LRRIQ1: variants seen among roughly 807,000 people sequenced by gnomAD.
LRRIQ1 encodes the protein leucine-rich repeat- and IQ domain-containing protein 1.
A neutral mutation model predicts 211.9 loss-of-function variants in LRRIQ1; 210 were observed. The ratio of observed to expected loss-of-function variants is 0.99; its 90% CI spans 0.89 to 1.11. LRRIQ1 has a LOEUF of 1.11. LRRIQ1 is among the 50% of genes most tolerant of loss of function. The pLI is 0.00. For missense variants in LRRIQ1, 2,136 were observed against 1,939.5 expected (o/e 1.10, Z -1.90); for synonymous variants, 699 against 650.1 (o/e 1.08, Z -1.14).
chr12:85,221,077 G>T (rs1894380721), intron 24 of LRRIQ1, among the ~76,000 whole-genome samples: 1 of 152,094 alleles, frequency 6.6e-6, no homozygotes, highest in East Asian at 1.9e-4. Flanking sequence ...CTCCCAAAGT[G>T]CTGGAATTAC....
intron 24 of LRRIQ1, among the ~76,000 whole-genome samples, chr12:85,216,119 C>G (rs1241164713): frequency 2.0e-5 from 3 of 152,140 alleles, no homozygotes; most frequent in Non-Finnish European, 4.4e-5. Context: ...TTTGCTGCAT[C>G]CATCAACTCG....
At chr12:85,214,227 AG>A (rs140839263) in intron 24 of LRRIQ1, among the ~76,000 whole-genome samples, 22,657 of 151,972 alleles carry the variant, frequency 0.15, 3,397 homozygotes, top group African/African-American at 0.38. Context: ...AAAATGCTAA[AG>A]AAAAGCTTTA....
At chr12:85,049,277 C>A (rs1880018804) in intron 6 of LRRIQ1, among the ~76,000 whole-genome samples, 1 of 152,214 alleles carries the variant, frequency 6.6e-6, no homozygotes, top group Admixed American at 6.5e-5. Flanking sequence ...CCCAATTCCT[C>A]CCCCCTCATT....
intron 16 of LRRIQ1, among the ~76,000 whole-genome samples, chr12:85,122,309 G>A (rs909758898): frequency 2.0e-5 from 3 of 152,156 alleles, no homozygotes; most frequent in Middle Eastern, 3.4e-3. Context: ...TATTAAAATA[G>A]TGTACATATA....
At chr12:85,110,414 C>A (rs1350481205) in intron 15 of LRRIQ1, among the ~76,000 whole-genome samples, 1 of 152,052 alleles carries the variant, frequency 6.6e-6, no homozygotes, top group African/African-American at 2.4e-5. Flanking sequence ...TGTAACCCAG[C>A]CTCCCATTTT....
At chr12:85,158,981 A>T (rs931370154) in intron 23 of LRRIQ1, among the ~76,000 whole-genome samples, 1 of 151,750 alleles carries the variant, frequency 6.6e-6, no homozygotes, top group East Asian at 1.9e-4. Context: ...TTTTTTTTCT[A>T]TCTAAAAGTA....
intron 26 of LRRIQ1, among the ~76,000 whole-genome samples, chr12:85,243,167 G>A (rs1002584095): frequency 6.8e-6 from 1 of 147,556 alleles, no homozygotes; most frequent in African/African-American, 2.5e-5. Flanking sequence ...CAAAATTGTG[G>A]TATTGCTTTG....
At chr12:85,102,969 T>A (rs1467793803) in intron 13 of LRRIQ1, among the ~76,000 whole-genome samples, 1 of 139,098 alleles carries the variant, frequency 7.2e-6, no homozygotes, top group Non-Finnish European at 1.6e-5. Flanking sequence ...AATATATATA[T>A]ATATATATAT....
chr12:85,186,754 A>G (rs950716568), intron 24 of LRRIQ1, among the ~76,000 whole-genome samples: 5 of 152,010 alleles, frequency 3.3e-5, no homozygotes, highest in Non-Finnish European at 7.4e-5. Context: ...ATTGTTTTAT[A>G]TGTATGTAAC....
chr12:85,153,169 G>T (rs1234032210), intron 21 of LRRIQ1, 24 bp downstream of exon 21: 9 of 1,567,758 alleles, frequency 5.7e-6, no homozygotes. Flanking sequence ...TTGTTTTAGA[G>T]AATCAACTTG....
chr12:85,242,677 A>C (rs1011679135), intron 26 of LRRIQ1, among the ~76,000 whole-genome samples: 6 of 151,956 alleles, frequency 3.9e-5, no homozygotes, highest in Admixed American at 2.0e-4. Context: ...GTTTTCAAAA[A>C]TAAGATCTAA....
At chr12:85,206,839 C>T (rs182864115) in intron 24 of LRRIQ1, among the ~76,000 whole-genome samples, 1 of 152,114 alleles carries the variant, frequency 6.6e-6, no homozygotes, top group Non-Finnish European at 1.5e-5. Flanking sequence ...GAACTCAGGT[C>T]AAACGGGCCT....
intron 11 of LRRIQ1, among the ~76,000 whole-genome samples, chr12:85,090,113 C>G (rs1885228458): frequency 6.6e-6 from 1 of 152,206 alleles, no homozygotes; most frequent in Non-Finnish European, 1.5e-5. Flanking sequence ...TTGCCTAATG[C>G]ACATCATAAG....
intron 15 of LRRIQ1, among the ~76,000 whole-genome samples, chr12:85,113,138 T>G (rs1887307322): frequency 6.6e-6 from 1 of 152,158 alleles, no homozygotes; most frequent in African/African-American, 2.4e-5. Context: ...TTCCTTAACT[T>G]TTGTTGAATA....
rs1204457744 is a variant in LRRIQ1 at position 85,203,230 on chromosome 12, T to A, written c.4823-26287T>A. Among the ~76,000 whole-genome samples the A allele has an allele frequency of 2.6e-5, 4 of 152,296 alleles. No individual in the cohort carries two copies. The East Asian group carries it at 7.7e-4, about 29-fold the overall frequency. Reference sequence around the variant, plus strand: ...GCCATCCATGTAAGACAGGACTTGCTCCTCCTTGCCTTCTGCTATGATTGT... The same window carrying A: ...GCCATCCATGTAAGACAGGACTTGCACCTCCTTGCCTTCTGCTATGATTGT... On this transcript the variant is annotated intron_variant, in intron 24 of 26. Transcript: ENST00000393217.
rs537021680 is a variant in LRRIQ1, at chr12:85,204,042, G to T, written c.4823-25475G>T. On this transcript the variant is annotated intron_variant, in intron 24 of 26. Coordinates refer to ENST00000393217, the MANE Select transcript of LRRIQ1 (RefSeq NM_001079910.2). ...AATGGTTTTGTGGGCTGGGCCCAAGGTCCCAATGCTGTGTGCAGCCTAGGG... is the reference window on the plus strand; with the variant it reads ...AATGGTTTTGTGGGCTGGGCCCAAGTTCCCAATGCTGTGTGCAGCCTAGGG... Among the ~76,000 whole-genome samples, 4 of 152,256 alleles carry T rather than the reference G, an allele frequency of 2.6e-5. No homozygotes were observed. In the East Asian group the frequency reaches 5.8e-4, roughly 22 times the overall value.
intron 11 of LRRIQ1, among the ~76,000 whole-genome samples, chr12:85,090,423 A>G (rs1417235825): frequency 1.3e-5 from 2 of 152,180 alleles, no homozygotes; most frequent in Non-Finnish European, 2.9e-5. Flanking sequence ...CAAAAAAGCT[A>G]CAGACACTCA....
At chr12:85,044,228 C>G (rs1160048674) in intron 3 of LRRIQ1, among the ~76,000 whole-genome samples, 1 of 151,936 alleles carries the variant, frequency 6.6e-6, no homozygotes, top group Non-Finnish European at 1.5e-5. Context: ...TACATCTGCA[C>G]ACATAATTAA....
intron 19 of LRRIQ1, among the ~76,000 whole-genome samples, chr12:85,145,447 A>G (rs915145575): frequency 6.6e-6 from 1 of 151,706 alleles, no homozygotes; most frequent in African/African-American, 2.4e-5. Flanking sequence ...TTTGTTAAGT[A>G]TAGTTTACCC....
Sources: gnomAD v4.1 joint callset for allele counts (sites outside exome capture counted in the v4.1 genomes callset) on GRCh38, gnomAD v4.1.1 for gene constraint, MANE v1.5 for transcripts, NCBI Gene and HGNC (gene_info 2026-07-23, HGNC 2026-07-21) for gene names.